RYR3: variants seen among roughly 807,000 people sequenced by gnomAD.
RYR3 encodes ryanodine receptor 3.
Under a neutral mutation model 584.3 loss-of-function variants are expected in RYR3, and 207 were observed. The observed-to-expected ratio is 0.35, with a 90% CI of 0.32 to 0.40. RYR3 has a LOEUF of 0.40. RYR3 is among the 10% of genes least tolerant of loss of function. RYR3 has a pLI of 1.00. For missense variants in RYR3, 5,616 were observed against 6,089.2 expected, an observed-to-expected ratio of 0.92 and a Z score of 2.59; for synonymous variants, 2,416 against 2,248.5, an observed-to-expected ratio of 1.07 and a Z score of -2.11.
rs533615816 is a variant in RYR3, at chr15:33,390,806, C to G, written c.51+79710C>G. 6.6e-6 allele frequency among the ~76,000 whole-genome samples: 1 copy of G among 152,206 alleles called. No homozygotes were observed. Among genetic ancestry groups the G allele is most frequent in the South Asian group, 2.1e-4 (1 of 4,812 alleles). On this transcript the variant is annotated intron_variant, in intron 1 of 103. Coordinates refer to ENST00000634891, the MANE Select transcript of RYR3 (RefSeq NM_001036.6). The surrounding 1 kb of genome is among the most constrained non-coding windows in gnomAD (Gnocchi z 4.2). ...TTCTGTGACCATACCCCAATAAAAA[C>G]CCTGGATGCTGACTCCATAATGGGA...
At chr15:33,839,630 ATTAT>A (rs1158239197) in intron 89 of RYR3, 2 of 152,204 alleles carry the variant, frequency 1.3e-5, no homozygotes, top group Non-Finnish European at 2.9e-5. Flanking sequence ...TCATTCCATT[ATTAT>A]TTATTGAAAA....
At chr15:33,458,705 C>T (rs2047768298) in intron 1 of RYR3, among the ~76,000 whole-genome samples, 2 of 152,170 alleles carry the variant, frequency 1.3e-5, no homozygotes, top group South Asian at 4.1e-4. Flanking sequence ...TATCTAGTCC[C>T]TGTAGCCAGG....
chr15:33,444,231 T>A (rs1306044319), intron 1 of RYR3, among the ~76,000 whole-genome samples: 4 of 152,226 alleles, frequency 2.6e-5, no homozygotes, highest in Non-Finnish European at 5.9e-5. Context: ...CACTAATTAT[T>A]CTGCTCTGGG....
intron 2 of RYR3, among the ~76,000 whole-genome samples, chr15:33,502,274 A>T (rs2142736362): frequency 6.6e-6 from 1 of 152,304 alleles, no homozygotes; most frequent in Admixed American, 6.5e-5. Flanking sequence ...ATTAAAGGGA[A>T]CTTAAAGATG....
intron 4 of RYR3, 53 bp from the exon 5 acceptor site, chr15:33,533,258 C>G (rs1477385779): frequency 1.6e-6 from 2 of 1,271,158 alleles, no homozygotes; most frequent in South Asian, 2.5e-5. Flanking sequence ...TGGTAAGATA[C>G]CAAGACTCAA....
intron 3 of RYR3, among the ~76,000 whole-genome samples, chr15:33,512,504 G>C (rs1472878749): frequency 6.6e-6 from 1 of 152,196 alleles, no homozygotes; most frequent in African/African-American, 2.4e-5. Flanking sequence ...TAGTGCTTCA[G>C]CTTTAGTGTG....
rs148090979 is a variant in RYR3, at chr15:33,424,448, A to G, written c.52-48971A>G. Among the ~76,000 whole-genome samples, 1,098 of 152,302 alleles carry G rather than the reference A, an allele frequency of 7.2e-3. 8 individuals carry two copies. Among genetic ancestry groups the G allele is most frequent in the African/African-American group, 0.025 (1,019 of 41,556 alleles). On this transcript the variant is annotated intron_variant, in intron 1 of 103. Transcript: ENST00000634891. ...CACTTCAAATTTCTGTTTTCTCAAA[A>G]CAAACTTCAAACTGTTTGGTACTTT...
At chr15:33,717,867 T>TC in intron 43 of RYR3, among the ~76,000 whole-genome samples, 1 of 152,100 alleles carries the variant, frequency 6.6e-6, no homozygotes, top group Non-Finnish European at 1.5e-5. Context: ...ATAGTTGAAT[T>TC]CATTAATAAA....
chr15:33,660,072 C>T, intron 33 of RYR3, 125 bp from the exon 34 acceptor site: 1 of 681,514 alleles, frequency 1.5e-6, no homozygotes, highest in Non-Finnish European at 2.6e-6. Flanking sequence ...GCTGGTAAAG[C>T]CCTTAGAGAT....
intron 45 of RYR3, among the ~76,000 whole-genome samples, chr15:33,725,198 CACACAT>C (rs1327671698): frequency 2.9e-3 from 360 of 125,162 alleles, no homozygotes; most frequent in African/African-American, 5.7e-3. Flanking sequence ...CACACACACA[CACACAT>C]ATATACATCC....
chr15:33,323,416 T>A (rs997493380), intron 1 of RYR3, among the ~76,000 whole-genome samples: 4 of 152,098 alleles, frequency 2.6e-5, no homozygotes, highest in African/African-American at 9.7e-5. Context: ...CCTTAATACA[T>A]ATTTTAATGG....
At chr15:33,360,338 T>C (rs1974591023) in intron 1 of RYR3, among the ~76,000 whole-genome samples, 1 of 152,170 alleles carries the variant, frequency 6.6e-6, no homozygotes, top group African/African-American at 2.4e-5. Context: ...ATTAGGTTTG[T>C]CTTTTCTAGA....
rs2074864046 is a variant in RYR3 at position 33,788,232 on chromosome 15, A to G, written c.9604A>G (p.Ile3202Val). The G allele has an allele frequency of 6.2e-7, 1 of 1,613,984 alleles. No individual in the cohort carries two copies. The highest frequency in any genetic ancestry group is 8.5e-7 in the Non-Finnish European group (1 of 1,179,882). Residue 3202 changes from isoleucine (I) to valine (V), a missense_variant, in exon 67 of 104, where the codon ATC becomes GTC. By Grantham distance (29) the Ile-to-Val change is conservative. This residue lies in a region of RYR3 where 954 missense variants were observed against 1,132.2 expected (regional missense o/e 0.84). Transcript: ENST00000634891. Reference sequence around the variant, plus strand: ...TGTAAACGCAGTGTATGCACAGCCCATCATCAGCAAAGCCAGGCCCGACCT... The same window carrying G: ...TGTAAACGCAGTGTATGCACAGCCCGTCATCAGCAAAGCCAGGCCCGACCT... Reference protein sequence around the residue: ...MKRIAVYAQPIISKARPDLLR... With the variant: ...MKRIAVYAQPVISKARPDLLR...
chr15:33,526,222 A>T (rs1033034158), intron 3 of RYR3, among the ~76,000 whole-genome samples: 2 of 152,232 alleles, frequency 1.3e-5, no homozygotes, highest in East Asian at 3.8e-4. Context: ...AACTACTAGA[A>T]GAAACGTCAG....
intron 74 of RYR3, among the ~76,000 whole-genome samples, chr15:33,814,398 A>G (rs1004408591): frequency 6.6e-6 from 1 of 152,256 alleles, no homozygotes; most frequent in Non-Finnish European, 1.5e-5. Flanking sequence ...GCTCAGGGAA[A>G]TTAAACTGAC....
At chr15:33,473,974 C>T (rs187142236) in intron 2 of RYR3, among the ~76,000 whole-genome samples, 10 of 152,168 alleles carry the variant, frequency 6.6e-5, no homozygotes, top group Admixed American at 1.3e-4. Context: ...GTTCTGACTG[C>T]GCTGAGATTG....
chr15:33,758,980 C>T (rs540320163), intron 60 of RYR3, among the ~76,000 whole-genome samples: 163 of 152,316 alleles, frequency 1.1e-3, no homozygotes, highest in African/African-American at 3.7e-3. Context: ...CTGCAGCCTC[C>T]GCTGGTGATA....
chr15:33,489,173 A>AT (rs2050753372), intron 2 of RYR3, among the ~76,000 whole-genome samples: 1 of 152,172 alleles, frequency 6.6e-6, no homozygotes, highest in African/African-American at 2.4e-5. Flanking sequence ...AGAAATTAAG[A>AT]TTTTCAGACA....
intron 90 of RYR3, among the ~76,000 whole-genome samples, chr15:33,841,171 C>T (rs1486195458): frequency 6.6e-6 from 1 of 151,976 alleles, no homozygotes. Flanking sequence ...GAGCCAAGAT[C>T]ACATCACTGC....
Sources: gnomAD v4.1 joint callset for allele counts (sites outside exome capture counted in the v4.1 genomes callset) on GRCh38, gnomAD v4.1.1 for gene constraint, gnomAD v4.1.1 regional missense constraint, Gnocchi (gnomAD v3.1) non-coding constraint, MANE v1.5 for transcripts, NCBI Gene and HGNC (gene_info 2026-07-23, HGNC 2026-07-21) for gene names.